ASAP1: variants seen among roughly 807,000 people sequenced by gnomAD.
The protein encoded by ASAP1 is ArfGAP with SH3 domain, ankyrin repeat and PH domain 1.
In ASAP1, 43 loss-of-function variants were observed where a neutral mutation model predicts 145.2. That is an observed-to-expected ratio of 0.30 (90% CI 0.23 to 0.38). The LOEUF is 0.38. ASAP1 is among the 10% of genes least tolerant of loss of function. ASAP1 has a pLI of 1.00. For missense variants in ASAP1, 1,018 were observed against 1,355.3 expected (o/e 0.75, Z 3.91); for synonymous variants, 546 against 515.5 (o/e 1.06, Z -0.80).
intron 27 of ASAP1, among the ~76,000 whole-genome samples, chr8:130,072,824 T>C (rs367815852): frequency 0.021 from 667 of 32,290 alleles, 68 homozygotes; most frequent in African/African-American, 0.064. Context: ...TGTGTGTGTG[T>C]GCGCGCGGGG....
At chr8:130,397,261 C>G (rs982758338) in intron 2 of ASAP1, among the ~76,000 whole-genome samples, 7 of 152,140 alleles carry the variant, frequency 4.6e-5, no homozygotes, top group Non-Finnish European at 7.3e-5. Flanking sequence ...ATGCCTCAGC[C>G]TCCCAAGCAG....
Position 130,276,728 on chromosome 8 carries a change from ACTCT to A in ASAP1, c.187-39738_187-39735del, listed in dbSNP as rs10678909. Among the ~76,000 whole-genome samples the A allele has an allele frequency of 7.6e-3, 661 of 87,268 alleles. 1 individual carries two copies. The highest frequency in any genetic ancestry group is 9.7e-3 in the Non-Finnish European group (441 of 45,394). The allele number at this position is 87,268 out of a possible 152,430, so 57.3% of individuals were successfully genotyped here. On this transcript the variant is annotated intron_variant, in intron 3 of 29. Transcript: ENST00000518721. ...CACACACACACACACACACACACAC[ACTCT>A]CTCTCTCTCTCTCTCTCTCTCTCTC... is the stretch of plus-strand genomic sequence containing the variant.
chr8:130,071,880 C>T (rs1444236895), intron 27 of ASAP1, among the ~76,000 whole-genome samples: 1 of 152,134 alleles, frequency 6.6e-6, no homozygotes, highest in African/African-American at 2.4e-5. Flanking sequence ...CAGTAGAAAA[C>T]CAGGGAGTAG....
At chr8:130,377,011 A>G (rs1827534780) in intron 2 of ASAP1, among the ~76,000 whole-genome samples, 1 of 152,088 alleles carries the variant, frequency 6.6e-6, no homozygotes, top group Admixed American at 6.6e-5. Context: ...GAAAAGAATC[A>G]GATCATCTCA....
At chr8:130,299,881 T>C (rs984719678) in intron 3 of ASAP1, among the ~76,000 whole-genome samples, 1 of 151,810 alleles carries the variant, frequency 6.6e-6, no homozygotes, top group African/African-American at 2.4e-5. Flanking sequence ...CAAGATAAAA[T>C]AGTATAAATA....
intron 3 of ASAP1, among the ~76,000 whole-genome samples, chr8:130,355,852 C>T (rs965432570): frequency 3.3e-5 from 5 of 152,008 alleles, no homozygotes; most frequent in South Asian, 2.1e-4. Flanking sequence ...TAAAATATGC[C>T]GACCGGAGAC....
At chr8:130,162,540 C>G (rs2097671297) in intron 11 of ASAP1, among the ~76,000 whole-genome samples, 1 of 152,140 alleles carries the variant, frequency 6.6e-6, no homozygotes, top group Admixed American at 6.5e-5. Flanking sequence ...AAAACATGGC[C>G]AGGCGCAGTG....
intron 1 of ASAP1, among the ~76,000 whole-genome samples, chr8:130,443,072 G>C (rs1830542917): frequency 6.6e-6 from 1 of 152,122 alleles, no homozygotes; most frequent in Non-Finnish European, 1.5e-5. Flanking sequence ...AATGCCGGGA[G>C]GGCGCCCCAT....
intron 3 of ASAP1, among the ~76,000 whole-genome samples, chr8:130,321,757 A>G (rs1824019813): frequency 6.6e-6 from 1 of 152,238 alleles, no homozygotes; most frequent in East Asian, 1.9e-4. Flanking sequence ...AATATGCCAG[A>G]AAGATACCAC....
intron 23 of ASAP1, among the ~76,000 whole-genome samples, chr8:130,115,396 T>C (rs186777171): frequency 1.3e-4 from 20 of 152,298 alleles, no homozygotes; most frequent in Admixed American, 4.6e-4. Flanking sequence ...GTGAGCCAAT[T>C]CCTTAAAAAA....
At chr8:130,063,923 G>C (rs976030081) in intron 27 of ASAP1, among the ~76,000 whole-genome samples, 2 of 152,174 alleles carry the variant, frequency 1.3e-5, no homozygotes, top group African/African-American at 4.8e-5. Flanking sequence ...TTACCAGAGG[G>C]TGAGGGCAGG....
Position 130,060,928 on chromosome 8 carries a change from G to C in ASAP1, c.2843C>G (p.Pro948Arg). 2 of 1,611,144 alleles carry C rather than the reference G, an allele frequency of 1.2e-6. No homozygotes were observed. Among genetic ancestry groups the C allele is most frequent in the Non-Finnish European group, 1.7e-6 (2 of 1,178,132 alleles). Residue 948 changes from proline to arginine, a missense_variant, in exon 28 of 30, where the codon CCC (proline) becomes CGC (arginine). Around this residue, in one of 9 missense-constraint regions of ASAP1, gnomAD observed 139 missense variants for 131.0 expected, o/e 1.06. Coordinates refer to ENST00000518721, the MANE Select transcript of ASAP1 (RefSeq NM_018482.4). Reference sequence around the variant, plus strand: ...CGGCAAATCTCCAATTTGGGGCTTGGGGGCCAGTTCTGTGGGCTTTGGGGG... The same window carrying C: ...CGGCAAATCTCCAATTTGGGGCTTGCGGGCCAGTTCTGTGGGCTTTGGGGG... ...DLPPKPTELA[P>R]KPQIGDLPPK...
At position 130,052,631 on chromosome 8, in the gene ASAP1, A is replaced by G. The variant is rs1315409247; in HGVS notation, c.*2100T>C. 1 of 152,448 alleles carries G rather than the reference A, an allele frequency of 6.6e-6. No homozygotes were observed. Among genetic ancestry groups the G allele is most frequent in the African/African-American group, 2.4e-5 (1 of 41,396 alleles). 9.4% of individuals were successfully genotyped at this position (152,448 alleles called of 1,614,324 possible). On this transcript the variant is annotated 3_prime_UTR_variant, in exon 30 of 30. Transcript: ENST00000518721. ...ACCGAACAAAAAAACTAGAAAAAAA[A>G]GGTGTTAAAAATGCTGTGTAAGTTG...
intron 3 of ASAP1, among the ~76,000 whole-genome samples, chr8:130,300,184 A>AGCGC (rs1554876474): frequency 1.6e-4 from 22 of 140,362 alleles, no homozygotes; most frequent in African/African-American, 5.8e-4. Flanking sequence ...AGAGAGAGAG[A>AGCGC]GAGCGAGCGA....
intron 5 of ASAP1, among the ~76,000 whole-genome samples, chr8:130,203,003 T>A (rs188896058): frequency 2.6e-5 from 4 of 152,102 alleles, no homozygotes; most frequent in Admixed American, 2.6e-4. Flanking sequence ...AAAGGGGAAG[T>A]GGCAACCAGC....
chr8:130,128,131 G>C, intron 15 of ASAP1, 41 bp from the exon 16 acceptor site: 15 of 499,448 alleles, frequency 3.0e-5, no homozygotes, highest in Non-Finnish European at 4.0e-5. Flanking sequence ...CTTTATAAGA[G>C]CATGGTCATT....
chr8:130,292,816 C>A (rs1371747708), intron 3 of ASAP1, among the ~76,000 whole-genome samples: 2 of 152,218 alleles, frequency 1.3e-5, no homozygotes, highest in Non-Finnish European at 2.9e-5. Flanking sequence ...CTAGGCATGT[C>A]ACATAACCTC....
At chr8:130,292,101 C>T (rs1821981429) in intron 3 of ASAP1, among the ~76,000 whole-genome samples, 1 of 152,094 alleles carries the variant, frequency 6.6e-6, no homozygotes, top group South Asian at 2.1e-4. Context: ...TAGCTTCCTG[C>T]CCCTACTACC....
chr8:130,374,880 A>C (rs1827408870), intron 2 of ASAP1, among the ~76,000 whole-genome samples: 1 of 152,194 alleles, frequency 6.6e-6, no homozygotes, highest in African/African-American at 2.4e-5. Context: ...CTGTTCACAG[A>C]GCCCCCAAAC....
Sources: allele counts gnomAD v4.1 joint callset (sites outside exome capture counted in the v4.1 genomes callset), GRCh38; gene constraint gnomAD v4.1.1; regional missense constraint gnomAD v4.1.1; transcripts MANE v1.5; gene names NCBI Gene and HGNC (gene_info 2026-07-23, HGNC 2026-07-21).